SUGCT: variants seen among roughly 807,000 people sequenced by gnomAD.
SUGCT encodes succinyl-CoA:glutarate-CoA transferase.
A neutral mutation model predicts 55.0 loss-of-function variants in SUGCT; 41 were observed. The observed-to-expected ratio is 0.74, with a 90% CI of 0.58 to 0.97. SUGCT has a LOEUF of 0.97. SUGCT is among the 50% of genes least tolerant of loss of function. SUGCT has a pLI of 0.00. For synonymous variants in SUGCT, 187 were observed against 200.4 expected (o/e 0.93, Z 0.56); for missense variants, 568 against 547.8 (o/e 1.04, Z -0.37).
At chr7:40,858,729 A>T (rs1794331392) in intron 13 of SUGCT, among the ~76,000 whole-genome samples, 1 of 152,190 alleles carries the variant, frequency 6.6e-6, no homozygotes, top group Admixed American at 6.5e-5. Context: ...CTCTTACTGA[A>T]AAGGGACAAA....
chr7:40,850,386 G>A (rs10226883), intron 13 of SUGCT, among the ~76,000 whole-genome samples: 52,932 of 152,058 alleles, frequency 0.35, 10,060 homozygotes, highest in East Asian at 0.82. Context: ...TGAGCAAAAT[G>A]AATGAGTGAA....
the SUGCT span, among the ~76,000 whole-genome samples, chr7:40,959,425 G>T: frequency 0.052 from 7,940 of 152,256 alleles, 214 homozygotes; most frequent in South Asian, 0.074. Flanking sequence ...GCTGTGGTGG[G>T]CTCTGCCCAG....
downstream of SUGCT, among the ~76,000 whole-genome samples, chr7:40,863,906 G>A (rs1794535871): frequency 6.6e-6 from 1 of 151,920 alleles, no homozygotes; most frequent in Non-Finnish European, 1.5e-5. Flanking sequence ...TGTTTGATAA[G>A]GAAGATGAAG....
the SUGCT span, among the ~76,000 whole-genome samples, chr7:40,900,512 C>T: frequency 6.6e-6 from 1 of 152,198 alleles, no homozygotes; most frequent in Admixed American, 6.5e-5. Flanking sequence ...ATCTTTAGTC[C>T]CCTTTGAGTT....
chr7:40,194,921 T>C lies in SUGCT; in HGVS notation c.364-19T>C, dbSNP rs1323084181. The C allele has an allele frequency of 6.2e-7, 1 of 1,609,370 alleles. No individual in the cohort carries two copies. Among genetic ancestry groups the C allele is most frequent in the Non-Finnish European group, 8.5e-7 (1 of 1,177,930 alleles). ...ATTTGTTGAGTGGAAGTCTGACTCA[T>C]GTTCACCTCTTCCATCAGCTTGCAG... is the stretch of plus-strand genomic sequence containing the variant. On this transcript the variant is annotated intron_variant, in intron 5 of 13. Transcript: ENST00000335693.
intron 12 of SUGCT, among the ~76,000 whole-genome samples, chr7:40,575,379 T>C (rs1259851950): frequency 6.6e-6 from 1 of 152,106 alleles, no homozygotes; most frequent in Non-Finnish European, 1.5e-5. Flanking sequence ...GAAAGATAGT[T>C]CCTAATTATC....
intron 9 of SUGCT, among the ~76,000 whole-genome samples, chr7:40,359,412 T>A (rs1219728865): frequency 6.6e-6 from 1 of 152,098 alleles, no homozygotes; most frequent in Non-Finnish European, 1.5e-5. Flanking sequence ...ATCATGTTGG[T>A]CAGGCTGGTC....
the SUGCT span, among the ~76,000 whole-genome samples, chr7:40,916,907 G>C: frequency 6.6e-6 from 1 of 152,198 alleles, no homozygotes; most frequent in Non-Finnish European, 1.5e-5. Context: ...ATGATTGATT[G>C]ACCATAACTA....
chr7:40,928,289 G>A, the SUGCT span, among the ~76,000 whole-genome samples: 2 of 151,894 alleles, frequency 1.3e-5, no homozygotes, highest in African/African-American at 2.4e-5. Context: ...TTAGACATAT[G>A]TTGGAACTTC....
In SUGCT at chr7:40,554,557, A is replaced by G. The variant is rs569617606; in HGVS notation, c.1089+58171A>G. 4.6e-5 allele frequency among the ~76,000 whole-genome samples: 7 copies of G among 152,290 alleles called. No homozygotes were observed. In the South Asian group the frequency reaches 1.4e-3, roughly 32 times the overall value. On this transcript the variant is annotated intron_variant, in intron 12 of 13. Coordinates refer to ENST00000335693, the MANE Select transcript of SUGCT (RefSeq NM_001193313.2). ...TTTTATTGTGTGGGTAATTTTAATG[A>G]CCAATGTCTTGAGGGTAAGAATGAC...
the SUGCT span, among the ~76,000 whole-genome samples, chr7:40,946,171 T>C: frequency 2.0e-5 from 3 of 151,968 alleles, no homozygotes; most frequent in Non-Finnish European, 2.9e-5. Flanking sequence ...ACTGTGTTGA[T>C]TGGCCTTCAG....
intron 12 of SUGCT, among the ~76,000 whole-genome samples, chr7:40,531,392 C>T (rs1794074578): frequency 6.6e-6 from 1 of 152,082 alleles, no homozygotes; most frequent in South Asian, 2.1e-4. Flanking sequence ...TTCTGGGCTC[C>T]TCTCATTATC....
At chr7:40,949,234 T>C in the SUGCT span, among the ~76,000 whole-genome samples, 48 of 152,260 alleles carry the variant, frequency 3.2e-4, no homozygotes, top group Non-Finnish European at 6.0e-4. Context: ...CATGTGTCTG[T>C]TGGCTGCATA....
At chr7:40,733,839 C>T (rs1787022746) in intron 12 of SUGCT, among the ~76,000 whole-genome samples, 1 of 152,198 alleles carries the variant, frequency 6.6e-6, no homozygotes, top group Non-Finnish European at 1.5e-5. Flanking sequence ...GCCACGACAT[C>T]GTTTCCTTTG....
chr7:40,342,330 A>G (rs1324645913), intron 9 of SUGCT, among the ~76,000 whole-genome samples: 1 of 152,220 alleles, frequency 6.6e-6, no homozygotes, highest in Non-Finnish European at 1.5e-5. Context: ...TGAGCAATAT[A>G]TAGGAAAAAT....
intron 1 of SUGCT, among the ~76,000 whole-genome samples, chr7:40,168,668 G>A (rs1784533189): frequency 1.3e-5 from 2 of 152,210 alleles, no homozygotes; most frequent in African/African-American, 4.8e-5. Flanking sequence ...CAATGCCTAA[G>A]TGAAAGGTTT....
At chr7:40,598,527 T>A (rs533082011) in intron 12 of SUGCT, among the ~76,000 whole-genome samples, 25 of 152,256 alleles carry the variant, frequency 1.6e-4, no homozygotes, top group Admixed American at 7.8e-4. Flanking sequence ...TATAAATTTC[T>A]TTTTCCTAGC....
At chr7:40,625,313 A>G (rs990368038) in intron 12 of SUGCT, among the ~76,000 whole-genome samples, 1 of 152,222 alleles carries the variant, frequency 6.6e-6, no homozygotes, top group East Asian at 1.9e-4. Flanking sequence ...CTGTTCGTGA[A>G]GATTTTCAGG....
At chr7:41,001,556 A>G in the SUGCT span, among the ~76,000 whole-genome samples, 3 of 152,178 alleles carry the variant, frequency 2.0e-5, no homozygotes, top group African/African-American at 4.8e-5. Context: ...AAACTGATTT[A>G]TCATAGTTTT....
Sources: gnomAD v4.1 joint callset for allele counts (sites outside exome capture counted in the v4.1 genomes callset) on GRCh38, gnomAD v4.1.1 for gene constraint, MANE v1.5 for transcripts, NCBI Gene and HGNC (gene_info 2026-07-23, HGNC 2026-07-21) for gene names.